The following MAGI1 variants were observed in gnomAD, a reference collection of about 807,000 sequenced individuals.
MAGI1 encodes the protein membrane-associated guanylate kinase, WW and PDZ domain-containing protein 1.
Under a neutral mutation model 139.9 loss-of-function variants are expected in MAGI1, and 58 were observed. The ratio of observed to expected loss-of-function variants is 0.41; its 90% CI spans 0.34 to 0.52. The LOEUF is 0.52. Among genes scored for constraint, MAGI1 ranks in the 20% least tolerant of loss-of-function variants. MAGI1 has a pLI of 0.12. For missense variants in MAGI1, 1,874 were observed against 1,901.6 expected (o/e 0.99, Z 0.27); for synonymous variants, 812 against 737.9 (o/e 1.10, Z -1.63).
intron 1 of MAGI1, among the ~76,000 whole-genome samples, chr3:65,944,395 G>A (rs1394568820): frequency 6.6e-6 from 1 of 152,138 alleles, no homozygotes; most frequent in Admixed American, 6.6e-5. Context: ...GTACGTGCCT[G>A]TAGTCCTAGC....
At chr3:65,945,972 T>G (rs974982781) in intron 1 of MAGI1, among the ~76,000 whole-genome samples, 2 of 152,348 alleles carry the variant, frequency 1.3e-5, no homozygotes, top group African/African-American at 4.8e-5. Flanking sequence ...AGTATTAAAA[T>G]AGTATTTATT....
chr3:65,580,288 TC>T (rs1160320099), intron 2 of MAGI1, among the ~76,000 whole-genome samples: 1 of 150,518 alleles, frequency 6.6e-6, no homozygotes, highest in African/African-American at 2.4e-5. Context: ...TAATTTTGTA[TC>T]CCATTTGGTT....
chr3:65,878,546 A>G (rs914686433), intron 1 of MAGI1, among the ~76,000 whole-genome samples: 1 of 151,250 alleles, frequency 6.6e-6, no homozygotes, highest in African/African-American at 2.4e-5. Context: ...ACGCAGACTT[A>G]TTTTTTTATT....
chr3:65,859,728 CA>C (rs113269901), intron 1 of MAGI1, among the ~76,000 whole-genome samples: 20,944 of 138,330 alleles, frequency 0.15, 1,534 homozygotes, highest in African/African-American at 0.19. Context: ...CTCAAAAAAA[CA>C]AAAAAAAAAA....
At chr3:65,518,878 G>A (rs768975566) in intron 2 of MAGI1, among the ~76,000 whole-genome samples, 7 of 152,250 alleles carry the variant, frequency 4.6e-5, no homozygotes, top group South Asian at 4.1e-4. Flanking sequence ...GTCACTTAAC[G>A]TGAGGGAGAA....
chr3:65,524,116 G>A (rs1307758530), intron 2 of MAGI1, among the ~76,000 whole-genome samples: 2 of 152,114 alleles, frequency 1.3e-5, no homozygotes, highest in African/African-American at 2.4e-5. Context: ...TAGGAAGGAA[G>A]AATGAAAAGT....
chr3:65,860,345 C>T (rs2059513500), intron 1 of MAGI1, among the ~76,000 whole-genome samples: 1 of 152,150 alleles, frequency 6.6e-6, no homozygotes, highest in African/African-American at 2.4e-5. Context: ...AGATCTATAA[C>T]TAAGTTTACT....
intron 1 of MAGI1, among the ~76,000 whole-genome samples, chr3:65,883,843 T>C (rs187838): frequency 0.34 from 52,131 of 152,112 alleles, 11,030 homozygotes; most frequent in African/African-American, 0.59. Context: ...GTGGGCGTTT[T>C]GCAAAATGTC....
At chr3:65,560,398 G>A (rs1001595063) in intron 2 of MAGI1, among the ~76,000 whole-genome samples, 3 of 152,164 alleles carry the variant, frequency 2.0e-5, no homozygotes, top group Middle Eastern at 6.8e-3. Context: ...GCATTTCTGT[G>A]TACCCCATAA....
At chr3:65,359,382 G>A (rs1940552750) in intron 22 of MAGI1, 3 of 1,312,680 alleles carry the variant, frequency 2.3e-6, no homozygotes, top group Admixed American at 3.1e-5. Context: ...ACAGCCATAA[G>A]GTGACTCGAG....
At chr3:65,412,510 T>A (rs1212414883) in intron 12 of MAGI1, among the ~76,000 whole-genome samples, 1 of 152,240 alleles carries the variant, frequency 6.6e-6, no homozygotes. Flanking sequence ...TGTCTCTATT[T>A]CAGGGACCTA....
intron 2 of MAGI1, among the ~76,000 whole-genome samples, chr3:65,544,328 G>C (rs1383303246): frequency 6.6e-6 from 1 of 152,138 alleles, no homozygotes; most frequent in Non-Finnish European, 1.5e-5. Context: ...AGTTGTGCTA[G>C]TCAACGTATC....
chr3:65,384,573 A>G (rs1398840796), intron 14 of MAGI1, among the ~76,000 whole-genome samples: 2 of 152,124 alleles, frequency 1.3e-5, no homozygotes, highest in Non-Finnish European at 2.9e-5. Flanking sequence ...TGTCTCTACA[A>G]AAAATAAAAA....
At chr3:65,754,454 G>A (rs962957613) in intron 1 of MAGI1, among the ~76,000 whole-genome samples, 5 of 152,144 alleles carry the variant, frequency 3.3e-5, no homozygotes, top group African/African-American at 1.2e-4. Flanking sequence ...CCAGATTTCT[G>A]TGTGTAATAT....
chr3:65,677,483 AT>A (rs1379581798), intron 1 of MAGI1, among the ~76,000 whole-genome samples: 1 of 152,212 alleles, frequency 6.6e-6, no homozygotes, highest in Non-Finnish European at 1.5e-5. Context: ...GGGGATTTTC[AT>A]GTAACTGACA....
At chr3:65,369,506 T>A (rs1008401225) in intron 18 of MAGI1, among the ~76,000 whole-genome samples, 1 of 151,448 alleles carries the variant, frequency 6.6e-6, no homozygotes, top group Non-Finnish European at 1.5e-5. Flanking sequence ...CCAGACGTGA[T>A]GGATTCTTTT....
At chr3:65,911,949 T>A (rs2061686885) in intron 1 of MAGI1, among the ~76,000 whole-genome samples, 1 of 152,194 alleles carries the variant, frequency 6.6e-6, no homozygotes, top group Non-Finnish European at 1.5e-5. Flanking sequence ...GGCAAAGAGA[T>A]TAACTTGCCC....
chr3:65,917,953 T>A (rs553478144), intron 1 of MAGI1, among the ~76,000 whole-genome samples: 2 of 152,280 alleles, frequency 1.3e-5, no homozygotes, highest in Admixed American at 1.3e-4. Context: ...TCAATGTAGG[T>A]TCATCAATTG....
At chr3:65,687,928 G>A (rs766305485) in intron 1 of MAGI1, 102 of 686,316 alleles carry the variant, frequency 1.5e-4, no homozygotes, top group East Asian at 1.0e-4. Flanking sequence ...CGGCATGCCC[G>A]CTGGTTCAAG....
Sources: allele counts gnomAD v4.1 joint callset (sites outside exome capture counted in the v4.1 genomes callset), GRCh38; gene constraint gnomAD v4.1.1; transcripts MANE v1.5; gene names NCBI Gene and HGNC (gene_info 2026-07-23, HGNC 2026-07-21).